The following RSRC1 variants were observed in gnomAD, a reference collection of about 807,000 sequenced individuals.
The protein encoded by RSRC1 is serine/Arginine-related protein 53.
A neutral mutation model predicts 49.1 loss-of-function variants in RSRC1; 39 were observed. That is an observed-to-expected ratio of 0.79 (90% CI 0.61 to 1.04). The LOEUF (loss-of-function observed/expected upper bound fraction) is 1.04, where lower values mean the gene tolerates loss of function less well. Ranked by LOEUF, RSRC1 falls within the 50% of genes least tolerant of loss-of-function variation. RSRC1 has a pLI of 0.00. For synonymous variants in RSRC1, 143 were observed against 130.8 expected (o/e 1.09, Z -0.63); for missense variants, 388 against 402.4 (o/e 0.96, Z 0.31).
At chr3:158,247,633 G>A (rs549648062) in intron 4 of RSRC1, among the ~76,000 whole-genome samples, 1 of 152,100 alleles carries the variant, frequency 6.6e-6, no homozygotes, top group Non-Finnish European at 1.5e-5. Flanking sequence ...TAACAGTCTA[G>A]CCTCTCTTCT....
At chr3:158,285,321 G>A (rs1406556801) in intron 4 of RSRC1, among the ~76,000 whole-genome samples, 2 of 152,182 alleles carry the variant, frequency 1.3e-5, no homozygotes, top group African/African-American at 2.4e-5. Context: ...TTGAAGTCAG[G>A]TAGCGTGATG....
At chr3:158,290,040 G>C (rs1190362064) in intron 4 of RSRC1, among the ~76,000 whole-genome samples, 1 of 151,450 alleles carries the variant, frequency 6.6e-6, no homozygotes, top group African/African-American at 2.4e-5. Context: ...AATTAAGAAA[G>C]CTGAAAATTA....
rs1049330515 is a variant in RSRC1, at chr3:158,306,380, G to A, written c.531+8305G>A. On this transcript the variant is annotated intron_variant, in intron 5 of 9. Transcript: ENST00000611884. Reference sequence around the variant, plus strand: ...CTAGATGCAATATGTATACACACACGTGAAGCTGGTTTTTGCTGGAATTCT... The same window carrying A: ...CTAGATGCAATATGTATACACACACATGAAGCTGGTTTTTGCTGGAATTCT... 3.3e-5 allele frequency among the ~76,000 whole-genome samples: 5 copies of A among 151,756 alleles called. No homozygotes were observed. In the East Asian group the frequency reaches 5.8e-4, roughly 18 times the overall value.
chr3:158,446,617 A>G (rs917402202), intron 6 of RSRC1, among the ~76,000 whole-genome samples: 1 of 152,012 alleles, frequency 6.6e-6, no homozygotes, highest in Non-Finnish European at 1.5e-5. Context: ...AATTATTTTC[A>G]TGATCTTCAA....
At chr3:158,466,956 G>A (rs1737918679) in intron 7 of RSRC1, among the ~76,000 whole-genome samples, 1 of 152,154 alleles carries the variant, frequency 6.6e-6, no homozygotes, top group Non-Finnish European at 1.5e-5. Flanking sequence ...CTACTCAGGA[G>A]GCTGAGGCAG....
chr3:158,308,654 C>T (rs947001814), intron 5 of RSRC1, among the ~76,000 whole-genome samples: 2 of 151,758 alleles, frequency 1.3e-5, no homozygotes, highest in African/African-American at 4.8e-5. Flanking sequence ...TGCCTAGGAC[C>T]CATATATCAA....
At chr3:158,514,423 G>A (rs939226123) in intron 7 of RSRC1, among the ~76,000 whole-genome samples, 54 of 152,242 alleles carry the variant, frequency 3.5e-4, no homozygotes, top group Non-Finnish European at 6.8e-4. Context: ...GTAGTTGAGC[G>A]GTTTTGAGTG....
chr3:158,302,550 T>G (rs1436681933), intron 5 of RSRC1: 7 of 144,558 alleles, frequency 4.8e-5, no homozygotes, highest in Non-Finnish European at 9.1e-5. Flanking sequence ...TATTAGATGT[T>G]GCTCCTGACT....
intron 7 of RSRC1, among the ~76,000 whole-genome samples, chr3:158,523,209 T>C (rs1260882222): frequency 6.6e-6 from 1 of 152,124 alleles, no homozygotes; most frequent in Non-Finnish European, 1.5e-5. Flanking sequence ...TCAACTTATT[T>C]CTGAACTTAA....
At position 158,442,426 on chromosome 3, in the gene RSRC1, T is replaced by G. The variant is rs544864218; in HGVS notation, c.584-18509T>G. Among the ~76,000 whole-genome samples the G allele has an allele frequency of 2.6e-5, 4 of 152,208 alleles. 1 individual carries two copies. In the South Asian group the frequency reaches 8.3e-4, roughly 32 times the overall value. Reference sequence around the variant, plus strand: ...ATGTCCCCAACATCTTTAACAGGAGTATATTCCATCTAAGGAACAATTTTT... The same window carrying G: ...ATGTCCCCAACATCTTTAACAGGAGGATATTCCATCTAAGGAACAATTTTT... On this transcript the variant is annotated intron_variant, in intron 6 of 9. Coordinates refer to ENST00000611884, the MANE Select transcript of RSRC1 (RefSeq NM_001271838.2).
chr3:158,197,732 T>C (rs540753188), intron 3 of RSRC1, among the ~76,000 whole-genome samples: 69 of 152,296 alleles, frequency 4.5e-4, no homozygotes, highest in African/African-American at 1.2e-3. Context: ...TTTATTTCTG[T>C]CTTCATTTCG....
intron 5 of RSRC1, among the ~76,000 whole-genome samples, chr3:158,318,225 G>A (rs1728576557): frequency 6.6e-6 from 1 of 151,988 alleles, no homozygotes; most frequent in Non-Finnish European, 1.5e-5. Flanking sequence ...GTAGAAAGAT[G>A]TTCTCCATTA....
intron 6 of RSRC1, among the ~76,000 whole-genome samples, chr3:158,377,982 G>T (rs1193061271): frequency 1.3e-5 from 2 of 151,990 alleles, no homozygotes; most frequent in Non-Finnish European, 2.9e-5. Context: ...TTATAGCAAG[G>T]CAAAATGGAC....
intron 6 of RSRC1, among the ~76,000 whole-genome samples, chr3:158,402,898 G>C (rs1368116286): frequency 6.6e-6 from 1 of 151,792 alleles, no homozygotes; most frequent in African/African-American, 2.4e-5. Context: ...TTCAGCTAGA[G>C]CCAGATGATA....
chr3:158,377,777 A>C, intron 6 of RSRC1, among the ~76,000 whole-genome samples: 1 of 151,510 alleles, frequency 6.6e-6, no homozygotes, highest in Non-Finnish European at 1.5e-5. Context: ...CTCCTGCCTC[A>C]GCCTCCCGAG....
intron 6 of RSRC1, among the ~76,000 whole-genome samples, chr3:158,382,142 C>T (rs1732737876): frequency 6.6e-6 from 1 of 152,102 alleles, no homozygotes. Context: ...CCTAAACCTA[C>T]ACAGGGTCAG....
intron 1 of RSRC1, 82 bp downstream of exon 1, chr3:158,110,305 G>C: frequency 6.6e-6 from 1 of 152,634 alleles, no homozygotes; most frequent in South Asian, 2.1e-4. Flanking sequence ...AGGCGACGCG[G>C]GGCCTGGCGC....
At chr3:158,365,248 C>T (rs1731697009) in intron 6 of RSRC1, among the ~76,000 whole-genome samples, 1 of 152,096 alleles carries the variant, frequency 6.6e-6, no homozygotes, top group South Asian at 2.1e-4. Flanking sequence ...TTGCTGTACC[C>T]ATCAACCTGT....
chr3:158,479,704 CACTAA>C (rs1419890303), intron 7 of RSRC1, among the ~76,000 whole-genome samples: 6 of 151,960 alleles, frequency 3.9e-5, no homozygotes, highest in South Asian at 2.1e-4. Context: ...GATGTCACTA[CACTAA>C]ACTAACAAGG....
Sources: allele counts gnomAD v4.1 joint callset (sites outside exome capture counted in the v4.1 genomes callset), GRCh38; gene constraint gnomAD v4.1.1; transcripts MANE v1.5; gene names NCBI Gene and HGNC (gene_info 2026-07-23, HGNC 2026-07-21).